GPHN: variants seen among roughly 807,000 people sequenced by gnomAD.
GPHN encodes gephyrin.
GPHN carries 17 observed loss-of-function variants against 95.5 expected under a neutral mutation model. That is an observed-to-expected ratio of 0.18 (90% confidence interval 0.12 to 0.27). GPHN has a LOEUF of 0.27. Ranked by LOEUF, GPHN falls within the 10% of genes least tolerant of loss-of-function variation. The probability of loss-of-function intolerance (pLI) is 1.00; values close to 1 mark genes in which losing one functional copy is unlikely to be tolerated. For missense variants in GPHN, 660 were observed against 978.1 expected (o/e 0.67, Z 4.34); for synonymous variants, 320 against 322.5 (o/e 0.99, Z 0.08).
At chr14:66,658,910 G>A (rs965342159) in intron 1 of GPHN, among the ~76,000 whole-genome samples, 7 of 149,430 alleles carry the variant, frequency 4.7e-5, no homozygotes, top group Non-Finnish European at 3.0e-5. Flanking sequence ...CCAGCTTTTT[G>A]TTTCATTGTT....
At chr14:67,479,275 G>A in the GPHN span, among the ~76,000 whole-genome samples, 221 of 150,492 alleles carry the variant, frequency 1.5e-3, no homozygotes, top group African/African-American at 4.9e-3. Context: ...GCGTGGTGGC[G>A]TGTGCCTGTA....
chr14:66,553,284 C>G (rs1221475605), intron 1 of GPHN, among the ~76,000 whole-genome samples: 1 of 152,172 alleles, frequency 6.6e-6, no homozygotes, highest in Non-Finnish European at 1.5e-5. Flanking sequence ...AGCTACCGCA[C>G]CTGGCCCTAA....
chr14:67,663,849 G>A, the GPHN span, among the ~76,000 whole-genome samples: 19,052 of 152,048 alleles, frequency 0.13, 1,457 homozygotes, highest in South Asian at 0.33. Flanking sequence ...TGCCAGGTTC[G>A]GGCCTGCCTC....
chr14:67,608,581 C>A, the GPHN span, among the ~76,000 whole-genome samples: 1 of 152,152 alleles, frequency 6.6e-6, no homozygotes, highest in South Asian at 2.1e-4. Flanking sequence ...GTGGAAGGTT[C>A]TATTGTGTTT....
At chr14:66,722,077 ATT>A (rs1033061118) in intron 2 of GPHN, among the ~76,000 whole-genome samples, 2 of 151,768 alleles carry the variant, frequency 1.3e-5, no homozygotes, top group Non-Finnish European at 1.5e-5. Flanking sequence ...ATATATAAGT[ATT>A]GTTTATTACT....
the GPHN span, among the ~76,000 whole-genome samples, chr14:67,215,864 C>A: frequency 3.3e-5 from 5 of 152,072 alleles, no homozygotes; most frequent in Non-Finnish European, 5.9e-5. Context: ...AAAATCATAC[C>A]ACAAATCAAA....
chr14:66,848,264 T>C (rs1179343245), intron 4 of GPHN, among the ~76,000 whole-genome samples: 1 of 152,116 alleles, frequency 6.6e-6, no homozygotes, highest in African/African-American at 2.4e-5. Flanking sequence ...ATAGCCGTAG[T>C]AGTACATGTA....
chr14:67,586,901 G>T, the GPHN span: 1 of 1,532,122 alleles, frequency 6.5e-7, no homozygotes, highest in South Asian at 1.2e-5. Flanking sequence ...CCACACCACT[G>T]GGCCTCTGAA....
At chr14:67,421,556 C>A in the GPHN span, among the ~76,000 whole-genome samples, 1 of 152,200 alleles carries the variant, frequency 6.6e-6, no homozygotes, top group South Asian at 2.1e-4. Flanking sequence ...AAAGTGATGA[C>A]GGCAGCAAGA....
chr14:66,593,905 C>T (rs1267468151), intron 1 of GPHN, among the ~76,000 whole-genome samples: 1 of 152,028 alleles, frequency 6.6e-6, no homozygotes, highest in East Asian at 1.9e-4. Flanking sequence ...GATAACATAA[C>T]CTTATATATA....
chr14:66,818,167 A>G (rs917861727), intron 3 of GPHN, among the ~76,000 whole-genome samples: 1 of 152,106 alleles, frequency 6.6e-6, no homozygotes, highest in Non-Finnish European at 1.5e-5. Context: ...ACATAGGTAA[A>G]CATATGTCAT....
intron 3 of GPHN, among the ~76,000 whole-genome samples, chr14:66,813,936 G>A (rs78631226): frequency 0.012 from 1,834 of 152,208 alleles, 19 homozygotes; most frequent in Non-Finnish European, 0.018. Flanking sequence ...AGAGAGTTTC[G>A]ATGAGGCATC....
At chr14:66,743,918 A>G (rs1486269881) in intron 2 of GPHN, among the ~76,000 whole-genome samples, 2 of 152,208 alleles carry the variant, frequency 1.3e-5, no homozygotes, top group Non-Finnish European at 2.9e-5. Context: ...AGAATAAACT[A>G]TATCCATATT....
At chr14:67,691,287 G>C in the GPHN span, 1 of 1,399,118 alleles carries the variant, frequency 7.1e-7, no homozygotes, top group Non-Finnish European at 1.0e-6. Flanking sequence ...GCTAGCCAAG[G>C]CTATTACATC....
intron 8 of GPHN, among the ~76,000 whole-genome samples, chr14:66,928,116 G>A (rs982089021): frequency 2.6e-5 from 4 of 151,966 alleles, no homozygotes; most frequent in South Asian, 2.1e-4. Flanking sequence ...GATTGGTATC[G>A]GTTCTTCTTT....
chr14:66,616,144 C>T (rs1243053681), intron 1 of GPHN, among the ~76,000 whole-genome samples: 2 of 151,194 alleles, frequency 1.3e-5, no homozygotes, highest in Non-Finnish European at 2.9e-5. Flanking sequence ...AGTATGATGC[C>T]TCCAGCTTTG....
chr14:67,422,990 C>T, the GPHN span, among the ~76,000 whole-genome samples: 1 of 152,044 alleles, frequency 6.6e-6, no homozygotes, highest in South Asian at 2.1e-4. Context: ...CGCCACCATG[C>T]CCGGCTAATT....
the GPHN span, chr14:67,579,668 G>A: frequency 6.4e-7 from 1 of 1,571,788 alleles, no homozygotes; most frequent in Non-Finnish European, 8.7e-7. Flanking sequence ...ACCAGCCCTA[G>A]TGAGCTCCTC....
the GPHN span, among the ~76,000 whole-genome samples, chr14:67,256,953 G>A: frequency 1.3e-5 from 2 of 152,142 alleles, no homozygotes; most frequent in Admixed American, 6.6e-5. Flanking sequence ...GGCTAAGGAC[G>A]CGGCTGTGAC....
Sources: allele counts gnomAD v4.1 joint callset (sites outside exome capture counted in the v4.1 genomes callset), GRCh38; gene constraint gnomAD v4.1.1; transcripts MANE v1.5; gene names NCBI Gene and HGNC (gene_info 2026-07-23, HGNC 2026-07-21).